Variants in MACROD2 observed in about 807,000 individuals in gnomAD.
MACROD2 encodes the protein mono-ADP ribosylhydrolase 2, also known as ADP-ribose glycohydrolase MACROD2.
Under a neutral mutation model 70.4 loss-of-function variants are expected in MACROD2, and 36 were observed. That is an observed-to-expected ratio of 0.51 (90% CI 0.39 to 0.68). The LOEUF is 0.68. Ranked by LOEUF, MACROD2 falls within the 30% of genes least tolerant of loss-of-function variation. MACROD2 has a pLI of 0.00. For synonymous variants in MACROD2, 172 were observed against 178.8 expected (o/e 0.96, Z 0.30); for missense variants, 496 against 538.4 (o/e 0.92, Z 0.78).
Position 15,881,377 on chromosome 20 carries a change from T to TG in MACROD2, c.728-4386dup, listed in dbSNP as rs370753138. ...AGGCAGGGGTCTAGGGATAGGGTGC[T>TG]GCTGATTGGTTGGGGATGAAATCAC... On this transcript the variant is annotated intron_variant, in intron 9 of 17. Coordinates refer to ENST00000684519, the MANE Select transcript of MACROD2 (RefSeq NM_001351661.2). Among the ~76,000 whole-genome samples the TG allele has an allele frequency of 3.0e-3, 455 of 152,142 alleles. 2 individuals carry two copies. The highest frequency in any genetic ancestry group is 0.011 in the African/African-American group (439 of 41,524).
rs532704664 is a variant in MACROD2 at position 15,452,085 on chromosome 20, C to T, written c.571+20650C>T. 1.0e-3 allele frequency among the ~76,000 whole-genome samples: 153 copies of T among 152,254 alleles called. 1 individual carries two copies. Among genetic ancestry groups the T allele is most frequent in the Non-Finnish European group, 2.0e-3 (137 of 68,010 alleles). On this transcript the variant is annotated intron_variant, in intron 7 of 17. Transcript: ENST00000684519. ...TGCTCACCTGTTGTCTATCAGCCATCAGTCAGGTAGTGAGAAATCCAGCCC... is the reference window on the plus strand; with the variant it reads ...TGCTCACCTGTTGTCTATCAGCCATTAGTCAGGTAGTGAGAAATCCAGCCC...
intron 3 of MACROD2, among the ~76,000 whole-genome samples, chr20:14,171,480 T>A (rs1402294032): frequency 6.6e-6 from 1 of 152,188 alleles, no homozygotes; most frequent in Non-Finnish European, 1.5e-5. Flanking sequence ...GGGCTTTAGA[T>A]GGACTTTCCT....
Position 14,818,825 on chromosome 20 carries a change from G to GTTTTTTTT in MACROD2, c.418+133885_418+133892dup, listed in dbSNP as rs754477468. Among the ~76,000 whole-genome samples the GTTTTTTTT allele has an allele frequency of 3.2e-4, 25 of 78,382 alleles. 3 individuals are homozygous for GTTTTTTTT. Among genetic ancestry groups the GTTTTTTTT allele is most frequent in the African/African-American group, 1.3e-3 (25 of 18,600 alleles). The allele number at this position is 78,382 out of a possible 152,430, so 51.4% of individuals were successfully genotyped here. ...GATTGTTTTTGTTTCTCTTCCTTAGGTTTTTTTTTTTTTTTTTTTTTTTTT... is the reference window on the plus strand; with the variant it reads ...GATTGTTTTTGTTTCTCTTCCTTAGGTTTTTTTTTTTTTTTTTTTTTTTTTTTTTTTTT... On this transcript the variant is annotated intron_variant, in intron 5 of 17. Coordinates refer to ENST00000684519, the MANE Select transcript of MACROD2 (RefSeq NM_001351661.2).
chr20:14,070,342 TG>T lies in MACROD2; in HGVS notation c.164-15278del, dbSNP rs2053821585. On this transcript the variant is annotated intron_variant, in intron 2 of 17. Transcript: ENST00000684519. ...AGGGGTTTGTGTGTGTGTGTGTGTG[TG>T]TAATCTAGAACAATGATCAGATAGG... 2.0e-5 allele frequency among the ~76,000 whole-genome samples: 3 copies of T among 149,550 alleles called. No individual in the cohort carries two copies. The Admixed American group carries it at 2.0e-4, about 10-fold the overall frequency.
chr20:15,415,710 C>T (rs1292290027), intron 6 of MACROD2, among the ~76,000 whole-genome samples: 1 of 152,140 alleles, frequency 6.6e-6, no homozygotes, highest in Non-Finnish European at 1.5e-5. Context: ...AAGTATTCAT[C>T]AAGTCAATAC....
At chr20:14,247,320 C>G (rs1018984779) in intron 3 of MACROD2, among the ~76,000 whole-genome samples, 3 of 152,168 alleles carry the variant, frequency 2.0e-5, no homozygotes, top group Non-Finnish European at 1.5e-5. Flanking sequence ...AAGATGCCTT[C>G]TTATGCCAGC....
intron 15 of MACROD2, among the ~76,000 whole-genome samples, chr20:16,000,451 C>T (rs2066694288): frequency 6.6e-6 from 1 of 152,164 alleles, no homozygotes; most frequent in Non-Finnish European, 1.5e-5. Flanking sequence ...TGTCTTGGGC[C>T]TCAAGTATTT....
intron 5 of MACROD2, among the ~76,000 whole-genome samples, chr20:15,093,486 A>G (rs1396192691): frequency 6.6e-6 from 1 of 152,052 alleles, no homozygotes; most frequent in African/African-American, 2.4e-5. Context: ...TTCTTGGCCT[A>G]TGAACTGCTC....
chr20:14,985,013 C>T (rs754921188), intron 5 of MACROD2, among the ~76,000 whole-genome samples: 15 of 152,162 alleles, frequency 9.9e-5, no homozygotes, highest in Admixed American at 3.9e-4. Context: ...AACAGTGTGA[C>T]CTTACGTACT....
At chr20:15,395,971 G>A (rs974969169) in intron 6 of MACROD2, among the ~76,000 whole-genome samples, 5 of 152,164 alleles carry the variant, frequency 3.3e-5, no homozygotes, top group African/African-American at 1.2e-4. Context: ...TCAGCACATT[G>A]TCTTCAACTA....
intron 4 of MACROD2, among the ~76,000 whole-genome samples, chr20:14,667,012 A>G (rs1011571161): frequency 6.6e-6 from 1 of 151,794 alleles, no homozygotes; most frequent in Non-Finnish European, 1.5e-5. Context: ...GAAAACAACA[A>G]TCCTGCCTGA....
chr20:15,586,457 T>G (rs190566839), intron 8 of MACROD2, among the ~76,000 whole-genome samples: 173 of 152,340 alleles, frequency 1.1e-3, no homozygotes, highest in African/African-American at 3.9e-3. Flanking sequence ...TCTATTGGTT[T>G]TGATTAGGTA....
intron 12 of MACROD2, among the ~76,000 whole-genome samples, chr20:15,940,284 C>T (rs973034914): frequency 4.7e-5 from 7 of 149,852 alleles, no homozygotes; most frequent in South Asian, 4.2e-4. Flanking sequence ...TAAGTAGAGA[C>T]GGGGTTTCAC....
At chr20:14,976,162 T>C (rs2074737708) in intron 5 of MACROD2, among the ~76,000 whole-genome samples, 1 of 152,188 alleles carries the variant, frequency 6.6e-6, no homozygotes, top group South Asian at 2.1e-4. Context: ...TATAAATGTT[T>C]TCTCTTACTC....
chr20:15,022,166 G>A (rs2075192625), intron 5 of MACROD2, among the ~76,000 whole-genome samples: 1 of 152,098 alleles, frequency 6.6e-6, no homozygotes, highest in Admixed American at 6.6e-5. Context: ...TGAATATGGT[G>A]AGTGTTAGCA....
At chr20:15,986,931 G>T in intron 14 of MACROD2, 130 bp downstream of exon 14, 1 of 1,020,428 alleles carries the variant, frequency 9.8e-7, no homozygotes. Flanking sequence ...GATAGCAATA[G>T]TGTTCAACTT....
intron 8 of MACROD2, among the ~76,000 whole-genome samples, chr20:15,841,757 G>A (rs1302526426): frequency 6.6e-6 from 1 of 152,128 alleles, no homozygotes; most frequent in Non-Finnish European, 1.5e-5. Context: ...TAGAATGATG[G>A]TGGGAGGTCT....
chr20:14,970,053 A>G (rs1008977039), intron 5 of MACROD2, among the ~76,000 whole-genome samples: 4 of 152,158 alleles, frequency 2.6e-5, no homozygotes, highest in African/African-American at 9.7e-5. Flanking sequence ...TTAAATTTAT[A>G]AAGAAAAGAG....
intron 3 of MACROD2, among the ~76,000 whole-genome samples, chr20:14,277,206 T>C (rs954829451): frequency 6.6e-6 from 1 of 151,558 alleles, no homozygotes; most frequent in Non-Finnish European, 1.5e-5. Flanking sequence ...TCCCAGCACT[T>C]TGGGAGGCTG....
Sources: gnomAD v4.1 joint callset for allele counts (sites outside exome capture counted in the v4.1 genomes callset) on GRCh38, gnomAD v4.1.1 for gene constraint, MANE v1.5 for transcripts, NCBI Gene and HGNC (gene_info 2026-07-23, HGNC 2026-07-21) for gene names.